Variants in C12orf54 observed in about 807,000 individuals in gnomAD.
The protein encoded by C12orf54 is chromosome 12 open reading frame 54.
Under a neutral mutation model 26.4 loss-of-function variants are expected in C12orf54, and 24 were observed. The ratio of observed to expected loss-of-function variants is 0.91; its 90% confidence interval spans 0.66 to 1.28. C12orf54 has a LOEUF of 1.28. Ranked by LOEUF, C12orf54 falls within the 50% of genes most tolerant of loss-of-function variation. The pLI is 0.00. For synonymous variants in C12orf54, 54 were observed against 47.0 expected, an observed-to-expected ratio of 1.15 and a Z score of -0.61; for missense variants, 154 against 150.9, an observed-to-expected ratio of 1.02 and a Z score of -0.11.
the C12orf54 span, among the ~76,000 whole-genome samples, chr12:48,469,180 C>A: frequency 6.6e-6 from 1 of 152,200 alleles, no homozygotes; most frequent in African/African-American, 2.4e-5. Context: ...ACCAGTCTGA[C>A]TAGAATTCGC....
At chr12:48,493,795 G>A (rs1296610077) in intron 7 of C12orf54, among the ~76,000 whole-genome samples, 1 of 146,664 alleles carries the variant, frequency 6.8e-6, no homozygotes, top group Non-Finnish European at 1.5e-5. Flanking sequence ...TCAGGCTACT[G>A]CAACACAGAT....
At chr12:48,484,861 A>G (rs1038846605) in intron 2 of C12orf54, among the ~76,000 whole-genome samples, 4 of 152,188 alleles carry the variant, frequency 2.6e-5, no homozygotes, top group African/African-American at 9.7e-5. Context: ...TGTGATTATT[A>G]TGTATCAATA....
In C12orf54 at chr12:48,483,722, G is replaced by A. The variant is rs549060761; in HGVS notation, c.65+361G>A. ...AATCAAGCTTCTCTTGGCCTACAGTGGAAAAGAGGGCTAGAATCTGCTGCT... is the reference window on the plus strand; with the variant it reads ...AATCAAGCTTCTCTTGGCCTACAGTAGAAAAGAGGGCTAGAATCTGCTGCT... On this transcript the variant is annotated intron_variant, in intron 2 of 8. Coordinates refer to ENST00000548364, the MANE Select transcript of C12orf54 (RefSeq NM_152319.4). Among the ~76,000 whole-genome samples, 6 of 152,258 alleles carry A rather than the reference G, an allele frequency of 3.9e-5. No homozygotes were observed. In the East Asian group the frequency reaches 1.2e-3, roughly 29 times the overall value.
intron 3 of C12orf54, 115 bp downstream of exon 3, chr12:48,486,323 AG>A: frequency 2.7e-6 from 3 of 1,104,626 alleles, no homozygotes. Flanking sequence ...GACAAGGGAC[AG>A]GGTGCCCTTG....
At chr12:48,487,286 A>G (rs1374080668) in intron 4 of C12orf54, among the ~76,000 whole-genome samples, 1 of 152,218 alleles carries the variant, frequency 6.6e-6, no homozygotes, top group Non-Finnish European at 1.5e-5. Context: ...GATGAGAATT[A>G]AAAGATAATT....
chr12:48,436,858 G>C, the C12orf54 span, among the ~76,000 whole-genome samples: 1 of 152,136 alleles, frequency 6.6e-6, no homozygotes, highest in Non-Finnish European at 1.5e-5. Context: ...AGAGAAGCAA[G>C]AGCAAACACA....
chr12:48,414,957 T>C, the C12orf54 span, among the ~76,000 whole-genome samples: 1 of 152,224 alleles, frequency 6.6e-6, no homozygotes, highest in East Asian at 1.9e-4. Flanking sequence ...TCTAGAATCA[T>C]AGGAGTCTAA....
At chr12:48,428,055 C>T in the C12orf54 span, among the ~76,000 whole-genome samples, 1 of 152,030 alleles carries the variant, frequency 6.6e-6, no homozygotes, top group Admixed American at 6.6e-5. Flanking sequence ...AATTAAATCA[C>T]CTGCTCCTGA....
the C12orf54 span, among the ~76,000 whole-genome samples, chr12:48,476,535 A>G: frequency 6.6e-6 from 1 of 152,348 alleles, no homozygotes; most frequent in African/African-American, 2.4e-5. Context: ...GGCTCAAAAT[A>G]AAGGGATGGA....
chr12:48,473,246 G>A, the C12orf54 span: 1 of 1,117,256 alleles, frequency 9.0e-7, no homozygotes. Flanking sequence ...ACGAGGATGA[G>A]GAGGAGGAAC....
the C12orf54 span, among the ~76,000 whole-genome samples, chr12:48,473,920 T>A: frequency 6.6e-6 from 1 of 152,204 alleles, no homozygotes; most frequent in East Asian, 1.9e-4. Context: ...CCTAAAGGTG[T>A]ATTTTGGCAC....
the C12orf54 span, among the ~76,000 whole-genome samples, chr12:48,419,879 G>T: frequency 1.7e-4 from 26 of 152,236 alleles, no homozygotes; most frequent in Admixed American, 9.8e-4. Context: ...GTCTATATAG[G>T]TGTCAGTATT....
At chr12:48,474,787 G>T in the C12orf54 span, among the ~76,000 whole-genome samples, 1 of 152,260 alleles carries the variant, frequency 6.6e-6, no homozygotes, top group Admixed American at 6.5e-5. Context: ...GCTCAAGGAG[G>T]CCTGCCTGCC....
the C12orf54 span, chr12:48,442,896 C>A: frequency 6.5e-6 from 1 of 153,458 alleles, no homozygotes; most frequent in African/African-American, 2.4e-5. Context: ...GTCTGGGGGC[C>A]AGCTGACAGC....
At chr12:48,440,279 C>T in the C12orf54 span, among the ~76,000 whole-genome samples, 13 of 151,840 alleles carry the variant, frequency 8.6e-5, no homozygotes, top group Non-Finnish European at 1.2e-4. Flanking sequence ...AGAAAAATGT[C>T]CTTGTTCTCT....
rs1321786197 is a variant in C12orf54 at position 48,495,096 on chromosome 12, G to A, written c.*40+117G>A. The A allele has an allele frequency of 4.0e-6, 3 of 744,644 alleles. No homozygotes were observed. In the East Asian group the frequency reaches 8.0e-5, roughly 20 times the overall value. The allele number at this position is 744,644 out of a possible 1,614,324, so 46.1% of individuals were successfully genotyped here. On this transcript the variant is annotated intron_variant, in intron 8 of 8. Coordinates refer to ENST00000548364, the MANE Select transcript of C12orf54 (RefSeq NM_152319.4). ...GGCAGGGCAGCACCCCATGAAGCAG[G>A]TGCAGTCATACAAGGGGCAATAGGG... is the stretch of plus-strand genomic sequence containing the variant.
the C12orf54 span, among the ~76,000 whole-genome samples, chr12:48,468,980 T>C: frequency 6.6e-6 from 1 of 151,786 alleles, no homozygotes; most frequent in Non-Finnish European, 1.5e-5. Context: ...GGTGTGGGAG[T>C]GTATGAATAG....
chr12:48,493,724 A>ATTTTCAAAAAG (rs1264547880), intron 7 of C12orf54, among the ~76,000 whole-genome samples: 3 of 151,962 alleles, frequency 2.0e-5, no homozygotes, highest in South Asian at 2.1e-4. Flanking sequence ...ACAAAAGTTA[A>ATTTTCAAAAAG]AATGCCCTAA....
chr12:48,415,813 T>C, the C12orf54 span, among the ~76,000 whole-genome samples: 3 of 152,222 alleles, frequency 2.0e-5, no homozygotes, highest in African/African-American at 7.2e-5. Context: ...AACTGGATAC[T>C]TGACATTCCA....
Sources: allele counts gnomAD v4.1 joint callset (sites outside exome capture counted in the v4.1 genomes callset), GRCh38; gene constraint gnomAD v4.1.1; transcripts MANE v1.5; gene names NCBI Gene and HGNC (gene_info 2026-07-23, HGNC 2026-07-21).